The following KIAA1958 variants were observed in gnomAD, a reference collection of about 807,000 sequenced individuals.
KIAA1958 encodes uncharacterized protein KIAA1958.
KIAA1958 carries 14 observed loss-of-function variants against 47.2 expected under a neutral mutation model. The ratio of observed to expected loss-of-function variants is 0.30; its 90% CI spans 0.20 to 0.46. The LOEUF is 0.46. Among genes scored for constraint, KIAA1958 ranks in the 20% least tolerant of loss-of-function variants. The pLI is 1.00. For synonymous variants in KIAA1958, 354 were observed against 353.3 expected (o/e 1.00, Z -0.02); for missense variants, 803 against 909.2 (o/e 0.88, Z 1.50).
At position 112,661,371 on chromosome 9, in the gene KIAA1958, A is replaced by G. The variant is rs1223752532; in HGVS notation, c.*1302A>G. On this transcript the variant is annotated 3_prime_UTR_variant, in exon 4 of 4. Coordinates refer to ENST00000337530, the MANE Select transcript of KIAA1958 (RefSeq NM_133465.4). ...CAACAACAAGTGAAAAAGGAGCTCAAAGAGTGCTCATTAAGAGTAACAATA... is the reference window on the plus strand; with the variant it reads ...CAACAACAAGTGAAAAAGGAGCTCAGAGAGTGCTCATTAAGAGTAACAATA... 1 of 152,200 alleles carries G rather than the reference A, an allele frequency of 6.6e-6. No individual in the cohort carries two copies. Among genetic ancestry groups the G allele is most frequent in the African/African-American group, 2.4e-5 (1 of 41,460 alleles). The allele number at this position is 152,200 out of a possible 1,614,324, so 9.4% of individuals were successfully genotyped here.
At chr9:112,518,748 G>A (rs1170667512) in intron 1 of KIAA1958, among the ~76,000 whole-genome samples, 4 of 151,768 alleles carry the variant, frequency 2.6e-5, no homozygotes, top group East Asian at 1.9e-4. Context: ...TCCAATAAAG[G>A]CATTTTTTAA....
chr9:112,605,116 A>C (rs111648820), intron 2 of KIAA1958, among the ~76,000 whole-genome samples: 1 of 150,952 alleles, frequency 6.6e-6, no homozygotes, highest in African/African-American at 2.4e-5. Context: ...CTGCTTTAAC[A>C]CTTTGCTAAA....
chr9:112,647,460 C>CA (rs1460664901), intron 3 of KIAA1958, among the ~76,000 whole-genome samples: 1 of 150,284 alleles, frequency 6.7e-6, no homozygotes, highest in South Asian at 2.1e-4. Context: ...TTAAAAAAAA[C>CA]AAAAAACAAA....
intron 2 of KIAA1958, among the ~76,000 whole-genome samples, chr9:112,605,057 TTA>T (rs1025750887): frequency 2.0e-5 from 3 of 147,848 alleles, no homozygotes; most frequent in African/African-American, 7.4e-5. Flanking sequence ...TATATTTATA[TTA>T]TATATATAAA....
At chr9:112,528,669 G>A (rs1054247986) in intron 1 of KIAA1958, among the ~76,000 whole-genome samples, 35 of 152,142 alleles carry the variant, frequency 2.3e-4, no homozygotes, top group Admixed American at 1.4e-3. Flanking sequence ...ATAGGCACCC[G>A]TCACCACGAC....
chr9:112,519,143 A>G (rs529724765), intron 1 of KIAA1958, among the ~76,000 whole-genome samples: 19 of 152,118 alleles, frequency 1.2e-4, no homozygotes, highest in African/African-American at 2.2e-4. Context: ...AGGTCTCACT[A>G]TGTTACCCAG....
chr9:112,556,610 C>T (rs796195080), intron 1 of KIAA1958, among the ~76,000 whole-genome samples: 1 of 152,232 alleles, frequency 6.6e-6, no homozygotes, highest in Non-Finnish European at 1.5e-5. Flanking sequence ...GCTGGAATTA[C>T]AGGCGTGAGC....
intron 1 of KIAA1958, among the ~76,000 whole-genome samples, chr9:112,550,075 T>C (rs1390641665): frequency 6.6e-6 from 1 of 150,844 alleles, no homozygotes; most frequent in Non-Finnish European, 1.5e-5. Context: ...AATGTTTGAA[T>C]GGGAAGGAAT....
At chr9:112,543,990 A>T (rs545595058) in intron 1 of KIAA1958, among the ~76,000 whole-genome samples, 73 of 152,112 alleles carry the variant, frequency 4.8e-4, no homozygotes, top group African/African-American at 1.7e-3. Flanking sequence ...TTTTCCTTTT[A>T]TTTGTATTGC....
At position 112,633,962 on chromosome 9, in the gene KIAA1958, G is replaced by C. The variant is rs182721770; in HGVS notation, c.1172-11688G>C. Among the ~76,000 whole-genome samples, 50 of 152,156 alleles carry C rather than the reference G, an allele frequency of 3.3e-4. No homozygotes were observed. The East Asian group carries it at 9.1e-3, about 28-fold the overall frequency. On this transcript the variant is annotated intron_variant, in intron 2 of 3. Coordinates refer to ENST00000337530, the MANE Select transcript of KIAA1958 (RefSeq NM_133465.4). Reference sequence around the variant, plus strand: ...ATGAATATTCATACATTCATGATATGTACACGTTTCTGTTGGGTATATATT... The same window carrying C: ...ATGAATATTCATACATTCATGATATCTACACGTTTCTGTTGGGTATATATT...
chr9:112,491,593 A>G (rs1219478863), intron 1 of KIAA1958, among the ~76,000 whole-genome samples: 3 of 151,382 alleles, frequency 2.0e-5, no homozygotes, highest in African/African-American at 7.3e-5. Context: ...AGAAACCTGC[A>G]AAGAACCAAA....
intron 1 of KIAA1958, among the ~76,000 whole-genome samples, chr9:112,515,812 C>T (rs1282894501): frequency 7.0e-5 from 8 of 114,316 alleles, no homozygotes; most frequent in African/African-American, 2.7e-4. Context: ...TATCTGCTGA[C>T]CTTCCCTCCA....
chr9:112,561,262 G>A (rs943374872), intron 1 of KIAA1958, among the ~76,000 whole-genome samples: 9 of 151,984 alleles, frequency 5.9e-5, no homozygotes, highest in Non-Finnish European at 8.8e-5. Context: ...CACCGTGTTA[G>A]CCAGGATGGT....
chr9:112,555,992 T>C (rs1248281805), intron 1 of KIAA1958, among the ~76,000 whole-genome samples: 1 of 152,064 alleles, frequency 6.6e-6, no homozygotes, highest in African/African-American at 2.4e-5. Flanking sequence ...GGAGAATCAC[T>C]TGAAAACCTG....
intron 1 of KIAA1958, among the ~76,000 whole-genome samples, chr9:112,548,996 A>G (rs1835092504): frequency 6.6e-6 from 1 of 152,224 alleles, no homozygotes; most frequent in Non-Finnish European, 1.5e-5. Context: ...TCCTGCTGAC[A>G]GCTTGGTCTC....
intron 2 of KIAA1958, among the ~76,000 whole-genome samples, chr9:112,577,167 C>A (rs367840601): frequency 6.6e-6 from 1 of 151,972 alleles, no homozygotes; most frequent in African/African-American, 2.4e-5. Context: ...AATATCTACT[C>A]AAATCTTTTG....
At chr9:112,608,922 A>C (rs1836280236) in intron 2 of KIAA1958, among the ~76,000 whole-genome samples, 2 of 152,222 alleles carry the variant, frequency 1.3e-5, no homozygotes, top group South Asian at 4.1e-4. Flanking sequence ...CAAAGTTATA[A>C]CAACAGTGAT....
At chr9:112,568,808 A>T (rs1835475488) in intron 1 of KIAA1958, among the ~76,000 whole-genome samples, 1 of 150,514 alleles carries the variant, frequency 6.6e-6, no homozygotes, top group South Asian at 2.1e-4. Flanking sequence ...GGGTTACCGG[A>T]GCCCAGGGGG....
intron 2 of KIAA1958, among the ~76,000 whole-genome samples, chr9:112,603,462 C>T (rs1433636233): frequency 6.6e-6 from 1 of 152,120 alleles, no homozygotes; most frequent in Non-Finnish European, 1.5e-5. Flanking sequence ...ATGCCCTATC[C>T]TACTGCCCTT....
Sources: gnomAD v4.1 joint callset for allele counts (sites outside exome capture counted in the v4.1 genomes callset) on GRCh38, gnomAD v4.1.1 for gene constraint, MANE v1.5 for transcripts, NCBI Gene and HGNC (gene_info 2026-07-23, HGNC 2026-07-21) for gene names.